CFAP161: variants seen among roughly 807,000 people sequenced by gnomAD.
CFAP161 encodes the protein cilia- and flagella-associated protein 161.
In CFAP161, 25 loss-of-function variants were observed where a neutral mutation model predicts 29.0. That is an observed-to-expected ratio of 0.86 (90% CI 0.63 to 1.20). The LOEUF (loss-of-function observed/expected upper bound fraction) is 1.20. CFAP161 is among the 50% of genes most tolerant of loss of function. The pLI is 0.00. For synonymous variants in CFAP161, 116 were observed against 137.4 expected (o/e 0.84, Z 1.09); for missense variants, 367 against 371.9 (o/e 0.99, Z 0.11).
intron 6 of CFAP161, 55 bp from the exon 7 acceptor site, chr15:81,148,283 C>T (rs777547880): frequency 3.4e-6 from 5 of 1,486,264 alleles, no homozygotes; most frequent in Non-Finnish European, 4.7e-6. Context: ...TTAATAACAG[C>T]TTATTGAGAG....
intron 1 of CFAP161, among the ~76,000 whole-genome samples, chr15:81,114,136 G>A (rs1894468593): frequency 6.6e-6 from 1 of 152,118 alleles, no homozygotes; most frequent in Admixed American, 6.6e-5. Context: ...AGACAGAGCT[G>A]CTACAACATA....
intron 1 of CFAP161, among the ~76,000 whole-genome samples, chr15:81,112,306 A>G (rs1213657033): frequency 6.6e-6 from 1 of 152,026 alleles, no homozygotes; most frequent in African/African-American, 2.4e-5. Context: ...TATCTTTCCT[A>G]ATATCTGAAT....
intron 1 of CFAP161, among the ~76,000 whole-genome samples, chr15:81,104,721 G>A (rs982678194): frequency 6.6e-6 from 1 of 152,166 alleles, no homozygotes; most frequent in African/African-American, 2.4e-5. Context: ...CTAGTCAGAG[G>A]TTATTTCCAA....
intron 1 of CFAP161, among the ~76,000 whole-genome samples, chr15:81,105,507 T>C (rs531684782): frequency 1.3e-5 from 2 of 151,730 alleles, no homozygotes; most frequent in African/African-American, 4.8e-5. Context: ...AGCCTTGACC[T>C]GCCAGGCTCA....
At chr15:81,126,057 C>T (rs1894637226) in intron 1 of CFAP161, among the ~76,000 whole-genome samples, 1 of 152,002 alleles carries the variant, frequency 6.6e-6, no homozygotes, top group South Asian at 2.1e-4. Flanking sequence ...TTTAGTAGAG[C>T]TGGGGTTTCA....
At chr15:81,147,257 G>GGTT (rs1254507306) in intron 5 of CFAP161, among the ~76,000 whole-genome samples, 4 of 151,730 alleles carry the variant, frequency 2.6e-5, no homozygotes, top group African/African-American at 9.7e-5. Flanking sequence ...CTCCTTTTTT[G>GGTT]GTTGTTGTTG....
intron 1 of CFAP161, among the ~76,000 whole-genome samples, chr15:81,113,482 G>A (rs1006785583): frequency 6.6e-6 from 1 of 152,130 alleles, no homozygotes; most frequent in East Asian, 1.9e-4. Flanking sequence ...CAAGTCCTGG[G>A]CCACCCATAC....
intron 5 of CFAP161, among the ~76,000 whole-genome samples, chr15:81,144,784 C>CAAAA (rs57014546): frequency 9.4e-6 from 1 of 105,888 alleles, no homozygotes; most frequent in Admixed American, 1.0e-4. Flanking sequence ...GACCGTGTCT[C>CAAAA]AAAAAAAAAA....
At chr15:81,100,799 A>G (rs545210373) in intron 1 of CFAP161, among the ~76,000 whole-genome samples, 1 of 151,952 alleles carries the variant, frequency 6.6e-6, no homozygotes, top group East Asian at 1.9e-4. Flanking sequence ...TGGCCTCCCA[A>G]AGTGCTAGGA....
At chr15:81,133,511 T>G (rs1370025011), upstream of CFAP161, among the ~76,000 whole-genome samples, 1 of 152,088 alleles carries the variant, frequency 6.6e-6, no homozygotes, top group African/African-American at 2.4e-5. Flanking sequence ...TAGAGGTAAA[T>G]TACTGAATGC....
At chr15:81,129,971 A>C (rs1319721132), upstream of CFAP161, among the ~76,000 whole-genome samples, 2 of 148,042 alleles carry the variant, frequency 1.4e-5, no homozygotes, top group Non-Finnish European at 3.0e-5. Context: ...GCCTATATTG[A>C]AAATCTGTTG....
At position 81,108,945 on chromosome 15, in the gene CFAP161, G is replaced by T. The variant is rs117713801; in HGVS notation, c.-141-18645G>T. Among the ~76,000 whole-genome samples the T allele has an allele frequency of 1.3e-3, 193 of 152,154 alleles. 4 individuals carry two copies. The East Asian group carries it at 0.034, about 27-fold the overall frequency. On this transcript the variant is annotated intron_variant, in intron 1 of 4. Transcript: ENST00000560091. ...TTTTCAAGATTCGGAAACAAAAAGA[G>T]GTCAGAAGGAGCCAAATCAGGACTG... is the stretch of plus-strand genomic sequence containing the variant.
intron 5 of CFAP161, 31 bp downstream of exon 5, chr15:81,143,851 C>T: frequency 6.3e-7 from 1 of 1,596,406 alleles, no homozygotes; most frequent in Non-Finnish European, 8.6e-7. Flanking sequence ...ACATGGGTGT[C>T]TAGGCTATGA....
intron 5 of CFAP161, among the ~76,000 whole-genome samples, chr15:81,145,404 T>A (rs551886799): frequency 9.8e-5 from 15 of 152,332 alleles, no homozygotes; most frequent in Non-Finnish European, 1.9e-4. Context: ...ACCTACCTCA[T>A]GAGGTTTTGT....
chr15:81,138,316 T>A (rs1301545348), intron 4 of CFAP161, among the ~76,000 whole-genome samples, 181 bp downstream of exon 4: 1 of 152,234 alleles, frequency 6.6e-6, no homozygotes, highest in Non-Finnish European at 1.5e-5. Context: ...TCTTTCCTTT[T>A]AACTTCCCAA....
At chr15:81,134,102 T>G (rs969438567), upstream of CFAP161, 6 of 534,926 alleles carry the variant, frequency 1.1e-5, no homozygotes, top group African/African-American at 1.2e-4. Context: ...TCGCCCACCC[T>G]GCAGTTAAGG....
At chr15:81,117,632 G>A (rs1249306966) in intron 1 of CFAP161, 3 of 254,332 alleles carry the variant, frequency 1.2e-5, no homozygotes, top group East Asian at 1.4e-4. Flanking sequence ...GTGGTCTGGG[G>A]TCTTAACCAT....
chr15:81,113,325 A>G lies in CFAP161; in HGVS notation c.-141-14265A>G, dbSNP rs144568467. Among the ~76,000 whole-genome samples, 990 of 152,324 alleles carry G rather than the reference A, an allele frequency of 6.5e-3. 4 individuals carry two copies. Among genetic ancestry groups the G allele is most frequent in the Non-Finnish European group, 1.0e-2 (677 of 68,028 alleles). The stretch of plus-strand genomic sequence containing the variant: ...GGTCACTGGAGTGTTTTCCAACACT[A>G]ACAACCAATTATTGATTCTCCAGAC... On this transcript the variant is annotated intron_variant, in intron 1 of 4. Transcript: ENST00000560091.
chr15:81,140,191 T>C (rs1894882949), intron 4 of CFAP161, among the ~76,000 whole-genome samples: 1 of 152,218 alleles, frequency 6.6e-6, no homozygotes, highest in Non-Finnish European at 1.5e-5. Flanking sequence ...GGCTTTTAAA[T>C]TGTAGTTGTT....
Sources: allele counts gnomAD v4.1 joint callset (sites outside exome capture counted in the v4.1 genomes callset), GRCh38; gene constraint gnomAD v4.1.1; transcripts MANE v1.5; gene names NCBI Gene and HGNC (gene_info 2026-07-23, HGNC 2026-07-21).